Variants in COL21A1 observed in about 807,000 individuals in gnomAD.
COL21A1 encodes the protein collagen type XXI alpha 1 chain, also known as collagen alpha-1(XXI) chain.
A neutral mutation model predicts 137.9 loss-of-function variants in COL21A1; 149 were observed. The ratio of observed to expected loss-of-function variants is 1.08; its 90% CI spans 0.95 to 1.24. The LOEUF is 1.24. Ranked by LOEUF, COL21A1 falls within the 50% of genes most tolerant of loss-of-function variation. COL21A1 has a pLI of 0.00. For missense variants in COL21A1, 1,167 were observed against 1,158.4 expected (o/e 1.01, Z -0.11); for synonymous variants, 456 against 391.5 (o/e 1.16, Z -1.95).
chr6:56,163,349 A>G (rs1006606922), intron 9 of COL21A1, among the ~76,000 whole-genome samples: 44 of 152,350 alleles, frequency 2.9e-4, no homozygotes, highest in Middle Eastern at 3.4e-3. Context: ...TGGACAAACC[A>G]CTACACTTCT....
chr6:56,187,607 A>G (rs894658824), intron 1 of COL21A1, among the ~76,000 whole-genome samples: 1 of 152,232 alleles, frequency 6.6e-6, no homozygotes, highest in Non-Finnish European at 1.5e-5. Context: ...TTCAACAAAC[A>G]TTGCTGAATC....
chr6:56,123,301 A>C (rs1234690379), intron 16 of COL21A1, among the ~76,000 whole-genome samples: 3 of 152,216 alleles, frequency 2.0e-5, no homozygotes, highest in Non-Finnish European at 4.4e-5. Flanking sequence ...CTGTCTTAGG[A>C]AGTGTTGCCT....
At chr6:56,248,130 G>A (rs1474796568), upstream of COL21A1, among the ~76,000 whole-genome samples, 3 of 152,246 alleles carry the variant, frequency 2.0e-5, no homozygotes, top group Non-Finnish European at 4.4e-5. Flanking sequence ...ACAAGATAAA[G>A]ATGCTGTCTG....
intron 20 of COL21A1, 73 bp from the exon 21 acceptor site, chr6:56,070,871 A>C (rs1766682788): frequency 1.8e-6 from 2 of 1,094,754 alleles, no homozygotes; most frequent in Non-Finnish European, 2.6e-6. Flanking sequence ...TAGACACTTA[A>C]GGGAATATAT....
At chr6:56,260,654 AGG>A (rs1763239352) in intron 1 of COL21A1, among the ~76,000 whole-genome samples, 7 of 41,546 alleles carry the variant, frequency 1.7e-4, no homozygotes, top group African/African-American at 6.0e-4. Context: ...GAAGGAAGGA[AGG>A]AATGAAGGAA....
chr6:56,147,365 CTT>C (rs542984888), intron 10 of COL21A1, among the ~76,000 whole-genome samples: 3 of 144,342 alleles, frequency 2.1e-5, no homozygotes, highest in South Asian at 2.2e-4. Flanking sequence ...TTGTTTTTTG[CTT>C]TTTTTTTTTC....
At chr6:56,159,847 C>T (rs1776062468) in intron 9 of COL21A1, among the ~76,000 whole-genome samples, 1 of 151,934 alleles carries the variant, frequency 6.6e-6, no homozygotes, top group South Asian at 2.1e-4. Context: ...GGAAAAGGGA[C>T]TTGTGCTTTT....
chr6:56,170,780 TC>T lies in COL21A1; in HGVS notation c.894del (p.Trp298Ter). On this transcript the variant is annotated frameshift_variant, in exon 5 of 30. Transcript: ENST00000244728. LOFTEE classifies it high-confidence loss of function. Reference sequence around the variant, plus strand: ...GGCCTTCCATCAATAGTTAATATTCTCCATAAATCCCAAATTTTCTTGACTT... The same window carrying T: ...GGCCTTCCATCAATAGTTAATATTCTCATAAATCCCAAATTTTCTTGACTT... ...RFKVKKIWDLWRILTIDGRPQ... is the reference protein window; with the variant it reads ...RFKVKKIWDLXRILTIDGRPQ... 6.2e-7 allele frequency: 1 copy of T among 1,608,840 alleles called. No homozygotes were observed. Among genetic ancestry groups the T allele is most frequent in the Non-Finnish European group, 8.5e-7 (1 of 1,176,598 alleles).
At chr6:56,291,930 G>A (rs980295938) in intron 1 of COL21A1, among the ~76,000 whole-genome samples, 3 of 152,174 alleles carry the variant, frequency 2.0e-5, no homozygotes, top group Non-Finnish European at 4.4e-5. Context: ...CACTTTGGGA[G>A]GCCAAGGTGG....
chr6:56,317,780 A>G (rs941617093), intron 1 of COL21A1, among the ~76,000 whole-genome samples: 2 of 152,134 alleles, frequency 1.3e-5, no homozygotes, highest in African/African-American at 2.4e-5. Flanking sequence ...GCGACCATTC[A>G]TTCTACTTTT....
chr6:56,133,018 G>T (rs1261811015), intron 12 of COL21A1, among the ~76,000 whole-genome samples: 1 of 152,164 alleles, frequency 6.6e-6, no homozygotes, highest in African/African-American at 2.4e-5. Context: ...GTGTGAAAAT[G>T]AACTAATCCA....
chr6:56,204,398 C>G (rs1054934881), intron 1 of COL21A1, among the ~76,000 whole-genome samples: 1 of 152,130 alleles, frequency 6.6e-6, no homozygotes, highest in Non-Finnish European at 1.5e-5. Flanking sequence ...CTCAGCAAGG[C>G]CATTGCTGCC....
At chr6:56,101,203 A>G (rs1181041161) in intron 17 of COL21A1, among the ~76,000 whole-genome samples, 1 of 152,194 alleles carries the variant, frequency 6.6e-6, no homozygotes, top group East Asian at 1.9e-4. Context: ...GCAACAGACC[A>G]TGATGTTTGT....
At chr6:56,143,619 G>A (rs1774603227) in intron 10 of COL21A1, among the ~76,000 whole-genome samples, 1 of 152,058 alleles carries the variant, frequency 6.6e-6, no homozygotes, top group Non-Finnish European at 1.5e-5. Context: ...TTTCTTGAGT[G>A]TCTTTGCCCA....
intron 1 of COL21A1, among the ~76,000 whole-genome samples, chr6:56,263,547 T>C (rs997116322): frequency 6.6e-6 from 1 of 152,170 alleles, no homozygotes; most frequent in Non-Finnish European, 1.5e-5. Flanking sequence ...ATGCCTAAGC[T>C]GAAGAGAACT....
Position 56,131,449 on chromosome 6 carries a change from G to A in COL21A1, c.1543-5300C>T, listed in dbSNP as rs570768057. Among the ~76,000 whole-genome samples the A allele has an allele frequency of 4.6e-5, 7 of 151,564 alleles. No homozygotes were observed. In the South Asian group the frequency reaches 1.5e-3, roughly 32 times the overall value. Reference sequence around the variant, plus strand: ...AACACTGGGATTGGGAGATACAATTGTTTTTCTCATCTCTAATGTAATGGT... The same window carrying A: ...AACACTGGGATTGGGAGATACAATTATTTTTCTCATCTCTAATGTAATGGT... On this transcript the variant is annotated intron_variant, in intron 12 of 29. Coordinates refer to ENST00000244728, the MANE Select transcript of COL21A1 (RefSeq NM_030820.4).
intron 1 of COL21A1, among the ~76,000 whole-genome samples, chr6:56,222,478 A>G (rs1050356439): frequency 6.6e-6 from 1 of 152,138 alleles, no homozygotes; most frequent in Non-Finnish European, 1.5e-5. Flanking sequence ...TAAAATTGTT[A>G]TATAAGTCTT....
chr6:56,173,521 A>G (rs915364958), intron 3 of COL21A1, among the ~76,000 whole-genome samples: 2 of 152,190 alleles, frequency 1.3e-5, no homozygotes, highest in Non-Finnish European at 2.9e-5. Context: ...TGAAAAAATG[A>G]AAAAAGATAT....
intron 1 of COL21A1, among the ~76,000 whole-genome samples, chr6:56,309,775 T>G (rs1198059153): frequency 5.9e-5 from 9 of 152,236 alleles, no homozygotes; most frequent in Admixed American, 1.3e-4. Flanking sequence ...TATAAGCCTA[T>G]AAATGCATGC....
Sources: gnomAD v4.1 joint callset for allele counts (sites outside exome capture counted in the v4.1 genomes callset) on GRCh38, gnomAD v4.1.1 for gene constraint, MANE v1.5 for transcripts, NCBI Gene and HGNC (gene_info 2026-07-23, HGNC 2026-07-21) for gene names.